XPO7: variants seen among roughly 807,000 people sequenced by gnomAD.
XPO7 encodes the protein exportin 7.
XPO7 carries 21 observed loss-of-function variants against 144.3 expected under a neutral mutation model. That is an observed-to-expected ratio of 0.15 (90% CI 0.10 to 0.21). XPO7 has a LOEUF of 0.21. Among genes scored for constraint, XPO7 ranks in the 10% least tolerant of loss-of-function variants. The pLI is 1.00. For synonymous variants in XPO7, 580 were observed against 499.6 expected, an observed-to-expected ratio of 1.16 and a Z score of -2.15; for missense variants, 808 against 1,325.8, an observed-to-expected ratio of 0.61 and a Z score of 6.06.
At chr8:21,962,387 TTTTTTG>T (rs1189825090) in intron 1 of XPO7, among the ~76,000 whole-genome samples, 3 of 152,282 alleles carry the variant, frequency 2.0e-5, no homozygotes, top group East Asian at 1.9e-4. Context: ...GCAAATGTAT[TTTTTTG>T]TTTTTGTTTT....
At chr8:21,933,690 A>C (rs1407710814) in intron 1 of XPO7, among the ~76,000 whole-genome samples, 3 of 152,016 alleles carry the variant, frequency 2.0e-5, no homozygotes, top group Non-Finnish European at 2.9e-5. Flanking sequence ...TACCAGGTCT[A>C]CCCCTTTTGT....
chr8:21,934,866 A>G (rs1810771854), intron 1 of XPO7, among the ~76,000 whole-genome samples: 1 of 152,234 alleles, frequency 6.6e-6, no homozygotes, highest in Admixed American at 6.5e-5. Context: ...TTGTGTAAAC[A>G]TCTTGACTAT....
At chr8:21,928,628 G>C (rs1176414919) in intron 1 of XPO7, among the ~76,000 whole-genome samples, 1 of 152,182 alleles carries the variant, frequency 6.6e-6, no homozygotes, top group African/African-American at 2.4e-5. Context: ...TGACTAACAT[G>C]TTGAGTATCT....
At chr8:21,968,410 C>G (rs1366608486) in intron 2 of XPO7, among the ~76,000 whole-genome samples, 1 of 152,086 alleles carries the variant, frequency 6.6e-6, no homozygotes, top group African/African-American at 2.4e-5. Flanking sequence ...ACTTTTCCCC[C>G]AAATATCTGA....
chr8:21,988,856 C>T (rs939536467), intron 15 of XPO7, 147 bp from the exon 16 acceptor site: 1 of 648,404 alleles, frequency 1.5e-6, no homozygotes, highest in Non-Finnish European at 2.6e-6. Flanking sequence ...ATTTCCTACC[C>T]ATCTTTTTTT....
chr8:21,934,719 G>A (rs1036360169), intron 1 of XPO7, among the ~76,000 whole-genome samples: 2 of 152,180 alleles, frequency 1.3e-5, no homozygotes, highest in Non-Finnish European at 2.9e-5. Context: ...AGCTAAGGAG[G>A]CAGTGGGGCT....
chr8:21,973,926 A>G (rs1440934937), intron 5 of XPO7, among the ~76,000 whole-genome samples: 2 of 152,244 alleles, frequency 1.3e-5, no homozygotes, highest in African/African-American at 4.8e-5. Context: ...TATAGAGAAT[A>G]TGTTGAAATA....
intron 4 of XPO7, 73 bp from the exon 5 acceptor site, chr8:21,971,803 G>GT: frequency 8.1e-7 from 1 of 1,233,694 alleles, no homozygotes; most frequent in Non-Finnish European, 1.2e-6. Flanking sequence ...TCATTCGAAA[G>GT]TATGAGTGCA....
intron 1 of XPO7, among the ~76,000 whole-genome samples, chr8:21,961,500 G>A (rs892078284): frequency 6.6e-6 from 1 of 152,122 alleles, no homozygotes; most frequent in East Asian, 1.9e-4. Context: ...ATAGGTGTGA[G>A]CCACTGTGCA....
At chr8:21,949,729 A>ATTG (rs1180143775) in intron 1 of XPO7, among the ~76,000 whole-genome samples, 1 of 151,904 alleles carries the variant, frequency 6.6e-6, no homozygotes, top group East Asian at 1.9e-4. Flanking sequence ...TGTTGTTGTT[A>ATTG]TTGTTGTTGT....
intron 2 of XPO7, 104 bp downstream of exon 2, chr8:21,967,107 T>G: frequency 7.0e-7 from 1 of 1,430,122 alleles, no homozygotes; most frequent in South Asian, 1.5e-5. Flanking sequence ...CCCTGATTTT[T>G]CTAGGTGTCC....
intron 1 of XPO7, among the ~76,000 whole-genome samples, chr8:21,926,977 C>A (rs953972279): frequency 1.3e-5 from 2 of 152,244 alleles, no homozygotes; most frequent in Middle Eastern, 3.4e-3. Context: ...CCTTGTTTTC[C>A]TTAGTCTTAA....
intron 1 of XPO7, among the ~76,000 whole-genome samples, chr8:21,932,673 C>A (rs539428735): frequency 1.2e-4 from 19 of 152,090 alleles, no homozygotes; most frequent in Admixed American, 5.9e-4. Context: ...TTCCTTTATG[C>A]CTTTATTTCT....
At position 21,961,298 on chromosome 8, in the gene XPO7, C is replaced by T. The variant is rs1187771054; in HGVS notation, c.19-5559C>T. Among the ~76,000 whole-genome samples, 7 of 151,730 alleles carry T rather than the reference C, an allele frequency of 4.6e-5. 1 individual carries two copies. The highest frequency in any genetic ancestry group is 3.4e-3 in the Middle Eastern group (1 of 290). On this transcript the variant is annotated intron_variant, in intron 1 of 27. Coordinates refer to ENST00000252512, the MANE Select transcript of XPO7 (RefSeq NM_015024.5). Reference sequence around the variant, plus strand: ...GATCACAGCTCACTGCAGTCTTGACCTTCCAGACTTGGACAATCCTCCTGC... The same window carrying T: ...GATCACAGCTCACTGCAGTCTTGACTTTCCAGACTTGGACAATCCTCCTGC...
intron 13 of XPO7, 74 bp downstream of exon 13, chr8:21,985,765 C>T: frequency 7.6e-7 from 1 of 1,322,094 alleles, no homozygotes; most frequent in Non-Finnish European, 1.1e-6. Context: ...GTCCTCTCCA[C>T]TTACAGAACG....
intron 1 of XPO7, among the ~76,000 whole-genome samples, chr8:21,923,514 T>G (rs1243864038): frequency 6.6e-6 from 1 of 152,224 alleles, no homozygotes; most frequent in African/African-American, 2.4e-5. Context: ...CATATATATC[T>G]ATATATTTAC....
chr8:21,945,179 G>T lies in XPO7; in HGVS notation c.19-21678G>T, dbSNP rs1437901987. Among the ~76,000 whole-genome samples, 4 of 152,328 alleles carry T rather than the reference G, an allele frequency of 2.6e-5. No homozygotes were observed. The South Asian group carries it at 8.3e-4, about 32-fold the overall frequency. ...AGGGGCTCTTCACTTCCCAGACGGG[G>T]CAGCTGGGCAGAGGCGCCCCCCACC... On this transcript the variant is annotated intron_variant, in intron 1 of 27. Coordinates refer to ENST00000252512, the MANE Select transcript of XPO7 (RefSeq NM_015024.5).
chr8:21,978,680 G>A (rs1812304795), intron 8 of XPO7, among the ~76,000 whole-genome samples: 1 of 152,184 alleles, frequency 6.6e-6, no homozygotes, highest in Admixed American at 6.5e-5. Context: ...ATGCCCCTGG[G>A]GCTGGCAGTA....
rs1398867112 is a variant in XPO7, at chr8:21,979,458, A to G, written c.838-626A>G. 3.6e-5 allele frequency among the ~76,000 whole-genome samples: 5 copies of G among 137,026 alleles called. No individual in the cohort carries two copies. The Admixed American group carries it at 4.0e-4, about 11-fold the overall frequency. 89.9% of individuals were successfully genotyped at this position (137,026 alleles called of 152,430 possible). On this transcript the variant is annotated intron_variant, in intron 8 of 27. Coordinates refer to ENST00000252512, the MANE Select transcript of XPO7 (RefSeq NM_015024.5). The stretch of plus-strand genomic sequence containing the variant: ...AGTCTCTCACTGTTGCCCGGGCTGG[A>G]GTGCAGTGGCGCGATCTCGGCTCAC...
Sources: gnomAD v4.1 joint callset for allele counts (sites outside exome capture counted in the v4.1 genomes callset) on GRCh38, gnomAD v4.1.1 for gene constraint, MANE v1.5 for transcripts, NCBI Gene and HGNC (gene_info 2026-07-23, HGNC 2026-07-21) for gene names.